Variants in SLC24A2 observed in about 807,000 individuals in gnomAD.
The protein encoded by SLC24A2 is sodium/potassium/calcium exchanger 2.
Under a neutral mutation model 62.0 loss-of-function variants are expected in SLC24A2, and 36 were observed. The observed-to-expected ratio is 0.58, with a 90% confidence interval of 0.44 to 0.77. The LOEUF (loss-of-function observed/expected upper bound fraction) is 0.77, where lower values mean the gene tolerates loss of function less well. Ranked by LOEUF, SLC24A2 falls within the 30% of genes least tolerant of loss-of-function variation. SLC24A2 has a pLI of 0.00. For synonymous variants in SLC24A2, 358 were observed against 294.0 expected (o/e 1.22, Z -2.23); for missense variants, 846 against 817.9 (o/e 1.03, Z -0.42).
At chr9:19,731,971 C>T (rs1389471187) in intron 2 of SLC24A2, among the ~76,000 whole-genome samples, 1 of 152,170 alleles carries the variant, frequency 6.6e-6, no homozygotes. Context: ...ATGACAATAT[C>T]TACCAGGGTT....
chr9:20,146,509 G>T, the SLC24A2 span, among the ~76,000 whole-genome samples: 1 of 152,006 alleles, frequency 6.6e-6, no homozygotes, highest in Non-Finnish European at 1.5e-5. Context: ...ATACAATATG[G>T]TTTCCCCAAA....
chr9:20,176,313 T>A, the SLC24A2 span, among the ~76,000 whole-genome samples: 1 of 152,084 alleles, frequency 6.6e-6, no homozygotes, highest in Non-Finnish European at 1.5e-5. Flanking sequence ...GTCAAATGAT[T>A]TATGATTTAT....
chr9:19,984,965 T>C, the SLC24A2 span, among the ~76,000 whole-genome samples: 1 of 151,402 alleles, frequency 6.6e-6, no homozygotes, highest in Non-Finnish European at 1.5e-5. Context: ...AAAATAAGTA[T>C]AATTTTAAAA....
chr9:20,023,385 G>C, the SLC24A2 span, among the ~76,000 whole-genome samples: 1 of 152,172 alleles, frequency 6.6e-6, no homozygotes, highest in Non-Finnish European at 1.5e-5. Flanking sequence ...TGAGCAGGAG[G>C]TAATAGAGAA....
rs66653116 is a variant in SLC24A2 at position 19,649,001 on chromosome 9, C to CAAAAAAA, written c.931-26709_931-26703dup. ...AATTTTGTCATGTTTGATTAAAAAC[C>CAAAAAAA]AAAAAAAAAAAAAAAAAACAAAAAA... On this transcript the variant is annotated intron_variant, in intron 2 of 10. Transcript: ENST00000341998. Among the ~76,000 whole-genome samples the CAAAAAAA allele has an allele frequency of 2.1e-3, 228 of 108,268 alleles. 1 individual carries two copies. The highest frequency in any genetic ancestry group is 2.7e-3 in the African/African-American group (81 of 29,720). The allele number at this position is 108,268 out of a possible 152,430, so 71.0% of individuals were successfully genotyped here. A position where few individuals can be genotyped will look rare whatever the true frequency, so the allele number is the denominator to read the frequency against.
At chr9:19,668,149 T>C (rs188314854) in intron 2 of SLC24A2, among the ~76,000 whole-genome samples, 21 of 152,310 alleles carry the variant, frequency 1.4e-4, no homozygotes, top group Non-Finnish European at 2.4e-4. Context: ...AAGTAAATTA[T>C]GATCTCAGTT....
At chr9:19,883,915 T>C in the SLC24A2 span, among the ~76,000 whole-genome samples, 1 of 152,168 alleles carries the variant, frequency 6.6e-6, no homozygotes, top group Non-Finnish European at 1.5e-5. Flanking sequence ...ATTGGCCTTA[T>C]TAAAGGTCTA....
the SLC24A2 span, among the ~76,000 whole-genome samples, chr9:20,254,741 T>C: frequency 6.6e-6 from 1 of 152,134 alleles, no homozygotes; most frequent in Non-Finnish European, 1.5e-5. Flanking sequence ...ATGGGGGCTG[T>C]ATTAGTCCAT....
intron 2 of SLC24A2, among the ~76,000 whole-genome samples, chr9:19,730,003 T>G (rs1821288984): frequency 6.6e-6 from 1 of 152,142 alleles, no homozygotes; most frequent in African/African-American, 2.4e-5. Context: ...CATTATCATT[T>G]GTCAATTGAA....
intron 2 of SLC24A2, among the ~76,000 whole-genome samples, chr9:19,639,429 T>C (rs899154851): frequency 6.6e-6 from 1 of 152,186 alleles, no homozygotes; most frequent in African/African-American, 2.4e-5. Flanking sequence ...CAAGAAGCCT[T>C]GCATGCCCGC....
At chr9:20,253,447 C>A in the SLC24A2 span, among the ~76,000 whole-genome samples, 19 of 152,162 alleles carry the variant, frequency 1.2e-4, no homozygotes, top group Non-Finnish European at 2.1e-4. Context: ...TACCATCTTA[C>A]TTCCAAGTGT....
intron 7 of SLC24A2, among the ~76,000 whole-genome samples, chr9:19,571,489 TG>T (rs202195671): frequency 5.8e-4 from 88 of 152,178 alleles, no homozygotes; most frequent in African/African-American, 2.0e-3. Flanking sequence ...TTCAGCTCAT[TG>T]GGGGAAGTTC....
At chr9:20,058,430 A>G in the SLC24A2 span, among the ~76,000 whole-genome samples, 2 of 152,028 alleles carry the variant, frequency 1.3e-5, no homozygotes, top group African/African-American at 2.4e-5. Context: ...AATGAAAACT[A>G]TATCATAAAA....
In SLC24A2 at chr9:19,550,145, G is replaced by A. The variant is rs1418543934; in HGVS notation, c.1471C>T (p.Arg491Cys). Residue 491 changes from arginine to cysteine, a missense_variant, in exon 8 of 11, where the codon CGC (arginine) becomes TGC (cysteine). Coordinates refer to ENST00000341998, the MANE Select transcript of SLC24A2 (RefSeq NM_020344.4). ...FPLWITLPDV[R>C]KPSSRKFFPI... Reference sequence around the variant, plus strand: ...TAAAATGCTTTACTTACAGGTTTGCGAACGTCAGGTAACGTAATCCAGAGA... The same window carrying A: ...TAAAATGCTTTACTTACAGGTTTGCAAACGTCAGGTAACGTAATCCAGAGA... The A allele has an allele frequency of 4.3e-6, 7 of 1,613,796 alleles. No homozygotes were observed. The highest frequency in any genetic ancestry group is 4.5e-5 in the East Asian group (2 of 44,860).
chr9:20,004,452 G>C, the SLC24A2 span, among the ~76,000 whole-genome samples: 1 of 152,150 alleles, frequency 6.6e-6, no homozygotes, highest in Admixed American at 6.6e-5. Flanking sequence ...AAAAAGTATA[G>C]TCCTAACTAT....
chr9:19,715,669 G>A (rs1564059263), intron 2 of SLC24A2, among the ~76,000 whole-genome samples: 1 of 152,142 alleles, frequency 6.6e-6, no homozygotes, highest in Non-Finnish European at 1.5e-5. Context: ...TGTGACCAAG[G>A]CACACCATTA....
chr9:20,149,782 G>C, the SLC24A2 span, among the ~76,000 whole-genome samples: 2 of 152,028 alleles, frequency 1.3e-5, no homozygotes, highest in Admixed American at 1.3e-4. Flanking sequence ...TGGCCCACGG[G>C]CTAGTTTGCT....
At chr9:19,988,410 C>A in the SLC24A2 span, among the ~76,000 whole-genome samples, 5 of 152,314 alleles carry the variant, frequency 3.3e-5, no homozygotes, top group Admixed American at 3.3e-4. Context: ...GGCTTTTAAT[C>A]CCCACTGAAC....
At chr9:19,804,921 G>C in the SLC24A2 span, among the ~76,000 whole-genome samples, 175 of 152,116 alleles carry the variant, frequency 1.2e-3, 1 homozygote, top group African/African-American at 4.0e-3. Context: ...TACTAATGTG[G>C]CATATTACAT....
Sources: gnomAD v4.1 joint callset for allele counts (sites outside exome capture counted in the v4.1 genomes callset) on GRCh38, gnomAD v4.1.1 for gene constraint, MANE v1.5 for transcripts, NCBI Gene and HGNC (gene_info 2026-07-23, HGNC 2026-07-21) for gene names.